SVOP: variants seen among roughly 807,000 people sequenced by gnomAD.
SVOP encodes the protein synaptic vesicle 2-related protein.
A neutral mutation model predicts 69.1 loss-of-function variants in SVOP; 17 were observed. The observed-to-expected ratio is 0.25, with a 90% confidence interval of 0.17 to 0.37. The LOEUF (loss-of-function observed/expected upper bound fraction) is 0.37, where lower values mean the gene tolerates loss of function less well. Among genes scored for constraint, SVOP ranks in the 10% least tolerant of loss-of-function variants. SVOP has a pLI of 1.00. For missense variants in SVOP, 435 were observed against 597.5 expected (o/e 0.73, Z 2.84); for synonymous variants, 238 against 238.6 (o/e 1.00, Z 0.02).
chr12:109,000,465 G>A (rs2040262155), intron 1 of SVOP, among the ~76,000 whole-genome samples: 1 of 78,072 alleles, frequency 1.3e-5, no homozygotes, highest in Non-Finnish European at 2.6e-5. Flanking sequence ...ATTTTATGAG[G>A]CCAGCATCAT....
chr12:108,982,814 A>ACTG (rs2040146520), intron 2 of SVOP, among the ~76,000 whole-genome samples: 4 of 143,854 alleles, frequency 2.8e-5, no homozygotes, highest in African/African-American at 2.7e-5. Context: ...CATCATCATC[A>ACTG]TCACCATCAT....
At chr12:108,974,617 G>C (rs1409666781) in intron 4 of SVOP, among the ~76,000 whole-genome samples, 2 of 152,174 alleles carry the variant, frequency 1.3e-5, no homozygotes, top group South Asian at 2.1e-4. Context: ...TTTGGTCCCA[G>C]CTGCTCAGGA....
intron 6 of SVOP, among the ~76,000 whole-genome samples, chr12:108,952,684 C>T (rs1403507756): frequency 1.3e-5 from 2 of 152,012 alleles, no homozygotes; most frequent in African/African-American, 2.4e-5. Context: ...TGCCCTGCAG[C>T]CCATCTCAAC....
In SVOP at chr12:108,953,142, TTTTTTTTTTTC is replaced by T. The variant is rs1464447377; in HGVS notation, c.578+7770_578+7780del. Among the ~76,000 whole-genome samples the T allele has an allele frequency of 1.6e-4, 20 of 128,238 alleles. No individual in the cohort carries two copies. The South Asian group carries it at 3.3e-3, about 21-fold the overall frequency. The allele number at this position is 128,238 out of a possible 152,430, so 84.1% of individuals were successfully genotyped here. ...TCCTTAATGATCTAATTGACTTTTTTTTTTTTTTTTCTTTTTTTTTTTTGAGACAGAGTTTC... is the reference window on the plus strand; with the variant it reads ...TCCTTAATGATCTAATTGACTTTTTTTTTTTTTTTTTTGAGACAGAGTTTC... On this transcript the variant is annotated intron_variant, in intron 6 of 15. Transcript: ENST00000610966.
intron 1 of SVOP, among the ~76,000 whole-genome samples, chr12:108,991,366 A>G (rs1027953265): frequency 2.6e-5 from 4 of 152,032 alleles, no homozygotes; most frequent in African/African-American, 9.7e-5. Context: ...TTAGGAGGCC[A>G]AGGCAGGAGG....
intron 1 of SVOP, among the ~76,000 whole-genome samples, chr12:108,989,138 T>C (rs1328805834): frequency 1.3e-5 from 2 of 151,030 alleles, no homozygotes; most frequent in African/African-American, 4.9e-5. Context: ...GGCACTATTA[T>C]AGCTCCCTAC....
chr12:109,004,995 C>T lies in SVOP; in HGVS notation c.35+15839G>A, dbSNP rs1198517044. On this transcript the variant is annotated intron_variant, in intron 1 of 15. Transcript: ENST00000610966. ...TCAAGTGATCTACCTGTCTTGGCCT[C>T]CCAAAGTGCTGGGATTACAGGTGTG... Among the ~76,000 whole-genome samples, 2 of 152,160 alleles carry T rather than the reference C, an allele frequency of 1.3e-5. 1 individual carries two copies. Among genetic ancestry groups the T allele is most frequent in the South Asian group, 4.1e-4 (2 of 4,826 alleles).
intron 5 of SVOP, among the ~76,000 whole-genome samples, chr12:108,968,295 C>T (rs143787046): frequency 2.0e-5 from 3 of 152,304 alleles, no homozygotes; most frequent in East Asian, 1.9e-4. Context: ...CCTTTCCTCA[C>T]GGAGTTTACT....
Position 108,910,246 on chromosome 12 carries a change from G to A in SVOP, c.*2289C>T. On this transcript the variant is annotated 3_prime_UTR_variant, in exon 16 of 16. Coordinates refer to ENST00000610966, the MANE Select transcript of SVOP (RefSeq NM_018711.5). ...AAAAGTGCTGGGATTATAGGCATGA[G>A]CCACCATACCCAGCAGGAGTTTTTA... 1 of 152,260 alleles carries A rather than the reference G, an allele frequency of 6.6e-6. No homozygotes were observed. Among genetic ancestry groups the A allele is most frequent in the Non-Finnish European group, 1.5e-5 (1 of 68,108 alleles). 9.4% of individuals were successfully genotyped at this position (152,260 alleles called of 1,614,324 possible). A position where few individuals can be genotyped will look rare whatever the true frequency, so the allele number is the denominator to read the frequency against.
At chr12:108,961,778 T>A (rs1398547963) in intron 5 of SVOP, among the ~76,000 whole-genome samples, 1 of 152,260 alleles carries the variant, frequency 6.6e-6, no homozygotes, top group Non-Finnish European at 1.5e-5. Flanking sequence ...GACAGAGTTG[T>A]AGGTAAACAT....
intron 1 of SVOP, among the ~76,000 whole-genome samples, chr12:109,003,666 T>C (rs1481950780): frequency 6.6e-6 from 1 of 152,154 alleles, no homozygotes; most frequent in Non-Finnish European, 1.5e-5. Context: ...TGGAGTGCAG[T>C]CGTGCAATAA....
At chr12:108,937,928 G>C (rs2137404022) in intron 9 of SVOP, among the ~76,000 whole-genome samples, 1 of 152,322 alleles carries the variant, frequency 6.6e-6, no homozygotes, top group South Asian at 2.1e-4. Context: ...GCCGGGGCAG[G>C]TTGATCACTT....
At chr12:108,927,630 G>A (rs1366644919) in intron 11 of SVOP, among the ~76,000 whole-genome samples, 1 of 128,566 alleles carries the variant, frequency 7.8e-6, no homozygotes, top group Admixed American at 9.3e-5. Flanking sequence ...TCACTCTGTT[G>A]CCCAGGCTGG....
chr12:108,919,835 T>G, intron 12 of SVOP, 49 bp from the exon 13 acceptor site: 1 of 1,282,940 alleles, frequency 7.8e-7, no homozygotes, highest in Non-Finnish European at 1.1e-6. Context: ...TGATTCCCAA[T>G]GCCCTCCATC....
At chr12:109,002,738 C>T (rs918645958) in intron 1 of SVOP, among the ~76,000 whole-genome samples, 4 of 145,984 alleles carry the variant, frequency 2.7e-5, no homozygotes, top group African/African-American at 7.7e-5. Flanking sequence ...TATTCTCACT[C>T]ATAGGTGGGA....
At chr12:109,007,714 C>T (rs1449319936) in intron 1 of SVOP, among the ~76,000 whole-genome samples, 2 of 152,042 alleles carry the variant, frequency 1.3e-5, no homozygotes, top group Non-Finnish European at 2.9e-5. Flanking sequence ...ATGTAATGCA[C>T]TCAACAATCA....
intron 11 of SVOP, among the ~76,000 whole-genome samples, chr12:108,924,159 C>T (rs2039766678): frequency 6.6e-6 from 1 of 152,162 alleles, no homozygotes. Context: ...GAGGATGCCA[C>T]AAGAAGATGC....
intron 11 of SVOP, among the ~76,000 whole-genome samples, chr12:108,925,693 C>G (rs968083632): frequency 6.6e-6 from 1 of 152,190 alleles, no homozygotes; most frequent in Non-Finnish European, 1.5e-5. Context: ...CACTCTACTC[C>G]AGCACACTGG....
intron 1 of SVOP, among the ~76,000 whole-genome samples, chr12:108,984,582 T>C (rs984348685): frequency 2.0e-5 from 3 of 152,208 alleles, no homozygotes; most frequent in East Asian, 3.9e-4. Context: ...ACTTGGCACG[T>C]GGCCCCATTT....
Sources: gnomAD v4.1 joint callset for allele counts (sites outside exome capture counted in the v4.1 genomes callset) on GRCh38, gnomAD v4.1.1 for gene constraint, MANE v1.5 for transcripts, NCBI Gene and HGNC (gene_info 2026-07-23, HGNC 2026-07-21) for gene names.